The following TVP23C variants were observed in gnomAD, a reference collection of about 807,000 sequenced individuals.
TVP23C encodes the protein Golgi apparatus membrane protein TVP23 homolog C.
TVP23C carries 19 observed loss-of-function variants against 28.7 expected under a neutral mutation model. The ratio of observed to expected loss-of-function variants is 0.66; its 90% CI spans 0.46 to 0.97. The LOEUF (loss-of-function observed/expected upper bound fraction) is 0.97. TVP23C is among the 50% of genes least tolerant of loss of function. The probability of loss-of-function intolerance (pLI) is 0.00; values close to 1 mark genes in which losing one functional copy is unlikely to be tolerated. For missense variants in TVP23C, 186 were observed against 241.3 expected (o/e 0.77, Z 1.52); for synonymous variants, 68 against 81.7 (o/e 0.83, Z 0.90).
chr17:15,511,075 A>G (rs1013532735), intron 5 of TVP23C, among the ~76,000 whole-genome samples: 1 of 148,452 alleles, frequency 6.7e-6, no homozygotes, highest in South Asian at 2.1e-4. Flanking sequence ...AAAAAAAAAA[A>G]AGATAATGGA....
At chr17:15,543,852 G>A (rs1012351430) in intron 5 of TVP23C, among the ~76,000 whole-genome samples, 5 of 151,610 alleles carry the variant, frequency 3.3e-5, no homozygotes, top group African/African-American at 1.2e-4. Flanking sequence ...AAAGCAACAA[G>A]AAAATAGTAG....
chr17:15,524,580 T>C (rs1212427415), intron 5 of TVP23C, among the ~76,000 whole-genome samples: 1 of 152,162 alleles, frequency 6.6e-6, no homozygotes, highest in African/African-American at 2.4e-5. Context: ...AGGAAGGAGA[T>C]ATGAAATCAG....
intron 5 of TVP23C, among the ~76,000 whole-genome samples, chr17:15,518,504 G>A (rs112792196): frequency 7.2e-5 from 11 of 152,210 alleles, no homozygotes. Context: ...TGACAGCTGG[G>A]CTCTCAGCAG....
chr17:15,535,123 G>A (rs2150844713), downstream of TVP23C, among the ~76,000 whole-genome samples: 1 of 150,228 alleles, frequency 6.7e-6, no homozygotes, highest in South Asian at 2.1e-4. Context: ...TGATTAAAGT[G>A]TCACAGATTT....
intron 1 of TVP23C, among the ~76,000 whole-genome samples, 174 bp from the exon 2 acceptor site, chr17:15,555,538 C>A (rs1302436559): frequency 1.3e-5 from 2 of 152,226 alleles, no homozygotes; most frequent in East Asian, 3.8e-4. Flanking sequence ...CTCCTCAAAT[C>A]ATCTGGCAAA....
rs144204523 is a variant in TVP23C at position 15,530,519 on chromosome 17, T to C, written c.462+15266A>G. On this transcript the variant is annotated intron_variant, in intron 5 of 5. Coordinates refer to the TVP23C transcript ENST00000225576. The stretch of plus-strand genomic sequence containing the variant: ...ACATTATTTCATAAGTACTGCTTTA[T>C]GTAGTTGTCTTTTAGGTCAGACAGG... Among the ~76,000 whole-genome samples the C allele has an allele frequency of 4.6e-3, 694 of 152,312 alleles. 6 individuals carry two copies. The highest frequency in any genetic ancestry group is 0.024 in the Middle Eastern group (7 of 294).
chr17:15,548,604 GTACTA>G (rs1476182234), intron 3 of TVP23C, among the ~76,000 whole-genome samples: 1 of 152,084 alleles, frequency 6.6e-6, no homozygotes, highest in African/African-American at 2.4e-5. Context: ...TTTTCATTTT[GTACTA>G]TACTTGCTGC....
rs543319837 is a variant in TVP23C at position 15,520,072 on chromosome 17, C to G, written c.463-16840G>C. On this transcript the variant is annotated intron_variant, in intron 5 of 5. Transcript: ENST00000225576. ...CTTCAGCAACAACCCAGCATGCTTGCTCAGTGCCTTCATCCTCCAGCTGAG... is the reference window on the plus strand; with the variant it reads ...CTTCAGCAACAACCCAGCATGCTTGGTCAGTGCCTTCATCCTCCAGCTGAG... Among the ~76,000 whole-genome samples the G allele has an allele frequency of 3.3e-5, 5 of 150,996 alleles. No homozygotes were observed. The East Asian group carries it at 9.7e-4, about 29-fold the overall frequency.
intron 5 of TVP23C, among the ~76,000 whole-genome samples, chr17:15,518,309 C>T (rs1982320647): frequency 6.6e-6 from 1 of 152,080 alleles, no homozygotes; most frequent in Non-Finnish European, 1.5e-5. Flanking sequence ...GTGTCCCAAA[C>T]TCTACCCTAT....
At chr17:15,534,613 C>A (rs201101138), downstream of TVP23C, among the ~76,000 whole-genome samples, 164 of 115,618 alleles carry the variant, frequency 1.4e-3, no homozygotes, top group Non-Finnish European at 2.3e-3. Context: ...ACACACACAC[C>A]CTTACCTATT....
Position 15,549,716 on chromosome 17 carries a change from GC to G in TVP23C, c.241-2569del, listed in dbSNP as rs1983805965. On this transcript the variant is annotated intron_variant, in intron 3 of 5. Coordinates refer to ENST00000518321, the MANE Select transcript of TVP23C (RefSeq NM_001135036.2). Reference sequence around the variant, plus strand: ...AAAGATTTGAGATGCCTTCAAGACAGCCACATAAAAACGTCAAGAAGACACA... The same window carrying G: ...AAAGATTTGAGATGCCTTCAAGACAGCACATAAAAACGTCAAGAAGACACA... Among the ~76,000 whole-genome samples, 7 of 151,936 alleles carry G rather than the reference GC, an allele frequency of 4.6e-5. No individual in the cohort carries two copies. The South Asian group carries it at 1.2e-3, about 27-fold the overall frequency.
chr17:15,531,231 C>T (rs2654261), intron 5 of TVP23C: 39,453 of 152,006 alleles, frequency 0.26, 5,849 homozygotes, highest in African/African-American at 0.41. Flanking sequence ...GCTTTAACGA[C>T]TGTCTTTGTC....
At chr17:15,522,118 A>G (rs1235190324) in intron 5 of TVP23C, among the ~76,000 whole-genome samples, 2 of 152,252 alleles carry the variant, frequency 1.3e-5, no homozygotes, top group Non-Finnish European at 2.9e-5. Flanking sequence ...AAGAATTGTG[A>G]GCAAATAATA....
In TVP23C at chr17:15,539,229, T is replaced by C. The variant is rs1305058835; in HGVS notation, c.*1183A>G. ...GTGCCCTCTAGGTGATTCTCATGTA[T>C]GTTCGAGTTTAAGAATCCCTGTCCT... On this transcript the variant is annotated 3_prime_UTR_variant, in exon 6 of 6. Transcript: ENST00000518321. The C allele has an allele frequency of 8.1e-6, 8 of 982,994 alleles. No individual in the cohort carries two copies. Among genetic ancestry groups the C allele is most frequent in the Admixed American group, 6.1e-5 (1 of 16,282 alleles). The allele number at this position is 982,994 out of a possible 1,614,324, so 60.9% of individuals were successfully genotyped here.
intron 5 of TVP23C, among the ~76,000 whole-genome samples, chr17:15,521,265 G>A (rs1982463796): frequency 6.6e-6 from 1 of 152,124 alleles, no homozygotes; most frequent in African/African-American, 2.4e-5. Context: ...AGCAGTTTGG[G>A]AGGTTGAGGC....
At chr17:15,544,101 A>G (rs1252101831) in intron 5 of TVP23C, among the ~76,000 whole-genome samples, 1 of 152,050 alleles carries the variant, frequency 6.6e-6, no homozygotes, top group East Asian at 1.9e-4. Context: ...AGGAGAGATT[A>G]CAAAGGTTAA....
intron 5 of TVP23C, among the ~76,000 whole-genome samples, chr17:15,542,011 C>T (rs1284393470): frequency 6.6e-6 from 1 of 152,082 alleles, no homozygotes; most frequent in Non-Finnish European, 1.5e-5. Context: ...GATCTCCCTG[C>T]CCTTAAGGTA....
chr17:15,505,223 GT>G (rs2150825012), intron 5 of TVP23C, among the ~76,000 whole-genome samples: 1 of 152,298 alleles, frequency 6.6e-6, no homozygotes, highest in South Asian at 2.1e-4. Flanking sequence ...GCATGTCAGT[GT>G]TTAGAAAATA....
exon 6 of TVP23C, chr17:15,502,294 T>TGGGGGGG (rs3217034): frequency 2.8e-5 from 2 of 71,798 alleles, no homozygotes; most frequent in African/African-American, 4.5e-5. Flanking sequence ...TAATGGGGGG[T>TGGGGGGG]GGGGGGGCAC....
Sources: allele counts gnomAD v4.1 joint callset (sites outside exome capture counted in the v4.1 genomes callset), GRCh38; gene constraint gnomAD v4.1.1; transcripts MANE v1.5; gene names NCBI Gene and HGNC (gene_info 2026-07-23, HGNC 2026-07-21).